Variants in GALNTL6 observed in about 807,000 individuals in gnomAD.
GALNTL6 encodes polypeptide N-acetylgalactosaminyltransferase-like 6.
A neutral mutation model predicts 73.7 loss-of-function variants in GALNTL6; 46 were observed. The observed-to-expected ratio is 0.62, with a 90% CI of 0.49 to 0.80. GALNTL6 has a LOEUF of 0.80. Ranked by LOEUF, GALNTL6 falls within the 30% of genes least tolerant of loss-of-function variation. The pLI is 0.00. For synonymous variants in GALNTL6, 259 were observed against 263.7 expected, an observed-to-expected ratio of 0.98 and a Z score of 0.17; for missense variants, 604 against 755.0, an observed-to-expected ratio of 0.80 and a Z score of 2.34.
At position 172,181,778 on chromosome 4, in the gene GALNTL6, G is replaced by A. The variant is rs181067460; in HGVS notation, c.139-47878G>A. ...GTAACCAAGGCTGGAGTGCAGTGGC[G>A]CGATCTCGGCTCACTGCAGCCTCCA... On this transcript the variant is annotated intron_variant, in intron 2 of 12. Transcript: ENST00000506823. Among the ~76,000 whole-genome samples the A allele has an allele frequency of 3.4e-3, 507 of 147,674 alleles. 3 individuals are homozygous for A. The highest frequency in any genetic ancestry group is 0.012 in the African/African-American group (459 of 39,700).
rs116909507 is a variant in GALNTL6 at position 172,306,958 on chromosome 4, T to C, written c.248-4656T>C. ...AGTGTCTTTTTCTTATGATGACTTC[T>C]TTCCTTCTGAGTGGATACCCAGTAG... On this transcript the variant is annotated intron_variant, in intron 3 of 12. Coordinates refer to ENST00000506823, the MANE Select transcript of GALNTL6 (RefSeq NM_001034845.3). 5.8e-4 allele frequency among the ~76,000 whole-genome samples: 88 copies of C among 152,338 alleles called. No individual in the cohort carries two copies. In the East Asian group the frequency reaches 0.017, roughly 29 times the overall value.
intron 2 of GALNTL6, among the ~76,000 whole-genome samples, chr4:171,988,762 G>A (rs1370684735): frequency 6.6e-6 from 1 of 152,194 alleles, no homozygotes; most frequent in Non-Finnish European, 1.5e-5. Flanking sequence ...AAAGCGTGCA[G>A]TGGGATGGGA....
chr4:172,323,768 G>A (rs1740839861), intron 4 of GALNTL6, among the ~76,000 whole-genome samples: 2 of 152,058 alleles, frequency 1.3e-5, no homozygotes, highest in African/African-American at 4.8e-5. Context: ...AAGGCTTTTA[G>A]TAGACTAGTA....
chr4:172,948,661 G>A (rs1336794437), intron 9 of GALNTL6, among the ~76,000 whole-genome samples: 2 of 148,550 alleles, frequency 1.3e-5, no homozygotes, highest in African/African-American at 4.9e-5. Context: ...ATAGAGATGG[G>A]GTTTCACCAT....
intron 5 of GALNTL6, among the ~76,000 whole-genome samples, chr4:172,483,686 G>A (rs1010078291): frequency 3.9e-5 from 6 of 152,082 alleles, no homozygotes; most frequent in East Asian, 1.9e-4. Flanking sequence ...GTGAAATGAC[G>A]GCAGTGACTG....
chr4:171,902,879 T>C (rs1737142932), intron 2 of GALNTL6, among the ~76,000 whole-genome samples: 2 of 152,172 alleles, frequency 1.3e-5, no homozygotes. Flanking sequence ...TTGCTTCTAG[T>C]ACCCTATCAA....
At chr4:171,937,472 T>C (rs1373607172) in intron 2 of GALNTL6, among the ~76,000 whole-genome samples, 1 of 152,180 alleles carries the variant, frequency 6.6e-6, no homozygotes, top group African/African-American at 2.4e-5. Flanking sequence ...GAGCATGTGA[T>C]TTAAGAAGTT....
At chr4:172,473,821 T>C (rs1211365557) in intron 5 of GALNTL6, among the ~76,000 whole-genome samples, 1 of 152,222 alleles carries the variant, frequency 6.6e-6, no homozygotes, top group East Asian at 1.9e-4. Flanking sequence ...ATATCTCAAA[T>C]TGATATCTCC....
At chr4:172,016,960 T>G (rs559743681) in intron 2 of GALNTL6, among the ~76,000 whole-genome samples, 5 of 152,258 alleles carry the variant, frequency 3.3e-5, no homozygotes, top group African/African-American at 1.2e-4. Flanking sequence ...ATGACAGTAA[T>G]CTCTTGAAGT....
At chr4:172,744,832 T>C (rs13149416) in intron 5 of GALNTL6, among the ~76,000 whole-genome samples, 54,229 of 125,660 alleles carry the variant, frequency 0.43, 10,731 homozygotes, top group African/African-American at 0.57. Flanking sequence ...ATTTTAAGAG[T>C]GCGCGTGCGT....
At chr4:172,665,158 T>A (rs1227669141) in intron 5 of GALNTL6, among the ~76,000 whole-genome samples, 3 of 152,190 alleles carry the variant, frequency 2.0e-5, no homozygotes, top group Non-Finnish European at 4.4e-5. Flanking sequence ...CTACTAATCA[T>A]TAAGCCAAAG....
chr4:171,905,304 A>G (rs1737240108), intron 2 of GALNTL6, among the ~76,000 whole-genome samples: 1 of 151,918 alleles, frequency 6.6e-6, no homozygotes, highest in Admixed American at 6.5e-5. Flanking sequence ...AGGAAGATCT[A>G]CCAAGCAAAT....
chr4:172,898,077 C>T (rs1746423488), intron 8 of GALNTL6, among the ~76,000 whole-genome samples: 1 of 151,946 alleles, frequency 6.6e-6, no homozygotes, highest in African/African-American at 2.4e-5. Flanking sequence ...GTTATTGCAG[C>T]TTTTTATGTT....
At chr4:172,427,330 G>A (rs891052774) in intron 5 of GALNTL6, among the ~76,000 whole-genome samples, 1 of 152,064 alleles carries the variant, frequency 6.6e-6, no homozygotes, top group African/African-American at 2.4e-5. Context: ...GTGTGCAGGG[G>A]AACTCTCCTT....
chr4:172,295,744 C>G (rs536201934), intron 3 of GALNTL6, among the ~76,000 whole-genome samples: 3 of 151,752 alleles, frequency 2.0e-5, no homozygotes, highest in East Asian at 3.9e-4. Flanking sequence ...CACACACACA[C>G]AGGTCTACCC....
chr4:172,163,553 A>G (rs1327178081), intron 2 of GALNTL6, among the ~76,000 whole-genome samples: 3 of 152,022 alleles, frequency 2.0e-5, no homozygotes, highest in South Asian at 2.1e-4. Context: ...AAAGTAACCT[A>G]AAGTTTCTTA....
intron 2 of GALNTL6, among the ~76,000 whole-genome samples, chr4:171,881,872 T>G (rs1268977432): frequency 1.3e-5 from 2 of 152,222 alleles, no homozygotes; most frequent in Non-Finnish European, 2.9e-5. Flanking sequence ...AAAATGTGTT[T>G]GTTTAGTAGT....
At chr4:171,853,012 A>ATTCTT (rs1553964539) in intron 2 of GALNTL6, among the ~76,000 whole-genome samples, 7 of 86,834 alleles carry the variant, frequency 8.1e-5, no homozygotes, top group South Asian at 1.0e-3. Flanking sequence ...CGCCCGGCTA[A>ATTCTT]TTTTTTTTTT....
At chr4:171,874,416 C>G (rs1289091644) in intron 2 of GALNTL6, among the ~76,000 whole-genome samples, 1 of 152,160 alleles carries the variant, frequency 6.6e-6, no homozygotes, top group Non-Finnish European at 1.5e-5. Flanking sequence ...TCTTGAACTC[C>G]TGACCTCAAA....
Sources: allele counts gnomAD v4.1 joint callset (sites outside exome capture counted in the v4.1 genomes callset), GRCh38; gene constraint gnomAD v4.1.1; transcripts MANE v1.5; gene names NCBI Gene and HGNC (gene_info 2026-07-23, HGNC 2026-07-21).